The following NPAS2 variants were observed in gnomAD, a reference collection of about 807,000 sequenced individuals.
NPAS2 encodes neuronal PAS domain-containing protein 2.
A neutral mutation model predicts 107.5 loss-of-function variants in NPAS2; 23 were observed. That is an observed-to-expected ratio of 0.21 (90% CI 0.15 to 0.30). The LOEUF is 0.30. NPAS2 is among the 10% of genes least tolerant of loss of function. The probability of loss-of-function intolerance (pLI) is 1.00; values close to 1 mark genes in which losing one functional copy is unlikely to be tolerated. For missense variants in NPAS2, 756 were observed against 1,043.3 expected, an observed-to-expected ratio of 0.72 and a Z score of 3.79; for synonymous variants, 403 against 417.5, an observed-to-expected ratio of 0.97 and a Z score of 0.42.
At chr2:100,973,536 C>T (rs1421894857) in intron 12 of NPAS2, among the ~76,000 whole-genome samples, 1 of 152,234 alleles carries the variant, frequency 6.6e-6, no homozygotes, top group African/African-American at 2.4e-5. Context: ...TACCTCAGCA[C>T]ATCCAGCCAC....
chr2:100,827,602 A>G (rs770672620), intron 1 of NPAS2, among the ~76,000 whole-genome samples: 1 of 152,106 alleles, frequency 6.6e-6, no homozygotes, highest in African/African-American at 2.4e-5. Context: ...CAAGTACCCA[A>G]TGTTTAGCTA....
intron 1 of NPAS2, among the ~76,000 whole-genome samples, chr2:100,865,099 C>T (rs1424625020): frequency 6.6e-6 from 1 of 152,140 alleles, no homozygotes; most frequent in Non-Finnish European, 1.5e-5. Context: ...CAGATAATGT[C>T]TTGGCTTTAT....
chr2:100,859,667 G>A (rs1156812540), intron 1 of NPAS2, among the ~76,000 whole-genome samples: 1 of 152,172 alleles, frequency 6.6e-6, no homozygotes, highest in East Asian at 1.9e-4. Context: ...GAGAGGATGG[G>A]AAATGTTCCT....
At chr2:100,936,222 C>T (rs955196237) in intron 4 of NPAS2, among the ~76,000 whole-genome samples, 16 of 152,246 alleles carry the variant, frequency 1.1e-4, no homozygotes, top group East Asian at 3.8e-4. Context: ...ATGCACTGCT[C>T]GTGGCCTCTT....
At chr2:100,978,520 T>TA (rs558312389) in intron 15 of NPAS2, among the ~76,000 whole-genome samples, 84 of 142,336 alleles carry the variant, frequency 5.9e-4, no homozygotes, top group Admixed American at 2.1e-3. Context: ...CACATTTGTT[T>TA]AAAAAAAAAG....
chr2:100,979,945 T>C (rs933617731), intron 15 of NPAS2, among the ~76,000 whole-genome samples: 2 of 152,236 alleles, frequency 1.3e-5, no homozygotes, highest in African/African-American at 4.8e-5. Flanking sequence ...CTGGGATTTT[T>C]CTCTCACTCC....
chr2:100,921,243 C>T (rs973702949), intron 2 of NPAS2, among the ~76,000 whole-genome samples: 3 of 152,198 alleles, frequency 2.0e-5, no homozygotes, highest in Non-Finnish European at 4.4e-5. Flanking sequence ...AGTTACACAG[C>T]CTCTCAGTGC....
Position 100,836,281 on chromosome 2 carries a change from A to G in NPAS2, c.-23+15867A>G, listed in dbSNP as rs535574577. Among the ~76,000 whole-genome samples the G allele has an allele frequency of 5.9e-4, 90 of 152,088 alleles. 2 individuals are homozygous for G. The South Asian group carries it at 0.018, about 31-fold the overall frequency. ...TAGCGACCTCACTTCGATGTGTACC[A>G]CCCCCATCCCAGAGAGGTGGGATCA... On this transcript the variant is annotated intron_variant, in intron 1 of 20. Transcript: ENST00000335681.
At chr2:100,829,265 A>G (rs1377482238) in intron 1 of NPAS2, among the ~76,000 whole-genome samples, 2 of 150,398 alleles carry the variant, frequency 1.3e-5, no homozygotes, top group African/African-American at 2.4e-5. Flanking sequence ...GCTCACTACA[A>G]CCTCAGCCTC....
intron 1 of NPAS2, among the ~76,000 whole-genome samples, chr2:100,874,477 C>A (rs113674871): frequency 0.051 from 7,812 of 152,132 alleles, 662 homozygotes; most frequent in African/African-American, 0.18. Context: ...CACGGTGGCT[C>A]ATGCCTGTAA....
At chr2:100,993,214 T>C in intron 19 of NPAS2, 133 bp from the exon 20 acceptor site, 1 of 757,186 alleles carries the variant, frequency 1.3e-6, no homozygotes, top group Non-Finnish European at 2.1e-6. Context: ...ATTACAGGCA[T>C]GAGCCACCGC....
At chr2:100,990,562 AG>A (rs1159431961) in intron 18 of NPAS2, 116 bp downstream of exon 18, 1 of 1,196,188 alleles carries the variant, frequency 8.4e-7, no homozygotes, top group East Asian at 2.5e-5. Flanking sequence ...AAGTGTCCAC[AG>A]TTGATCTCAG....
chr2:100,964,963 T>C lies in NPAS2; in HGVS notation c.800+20T>C, dbSNP rs1676126782. Reference sequence around the variant, plus strand: ...TCACAGGTTTGAGAAAAGAAAAACATATTTGGGTTGGGCCCTTCTCAAGTC... The same window carrying C: ...TCACAGGTTTGAGAAAAGAAAAACACATTTGGGTTGGGCCCTTCTCAAGTC... On this transcript the variant is annotated intron_variant, in intron 9 of 20. Transcript: ENST00000335681. 2 of 1,519,936 alleles carry C rather than the reference T, an allele frequency of 1.3e-6. No homozygotes were observed. Among genetic ancestry groups the C allele is most frequent in the Non-Finnish European group, 1.8e-6 (2 of 1,129,144 alleles). The allele number at this position is 1,519,936 out of a possible 1,614,324, so 94.2% of individuals were successfully genotyped here. A position where few individuals can be genotyped will look rare whatever the true frequency, so the allele number is the denominator to read the frequency against.
intron 1 of NPAS2, among the ~76,000 whole-genome samples, chr2:100,873,833 G>A (rs1341525594): frequency 6.6e-6 from 1 of 152,080 alleles, no homozygotes; most frequent in African/African-American, 2.4e-5. Flanking sequence ...CATCATACCT[G>A]CCCTGTTCCT....
intron 4 of NPAS2, 111 bp downstream of exon 4, chr2:100,933,112 C>A: frequency 1.3e-6 from 1 of 785,838 alleles, no homozygotes; most frequent in Non-Finnish European, 2.1e-6. Context: ...CCTGGGAAGA[C>A]TTGACTTTGA....
chr2:100,979,097 T>TG (rs1201407706), intron 15 of NPAS2, among the ~76,000 whole-genome samples: 1 of 152,116 alleles, frequency 6.6e-6, no homozygotes, highest in Non-Finnish European at 1.5e-5. Context: ...GCCCTCTTAG[T>TG]GGGGGTCTCT....
intron 3 of NPAS2, among the ~76,000 whole-genome samples, chr2:100,931,057 C>T (rs954057812): frequency 1.3e-5 from 2 of 152,206 alleles, no homozygotes; most frequent in Admixed American, 6.5e-5. Context: ...ACCCTCTCTT[C>T]CTTGCCTCAG....
intron 1 of NPAS2, among the ~76,000 whole-genome samples, chr2:100,822,089 T>A (rs899806698): frequency 2.6e-5 from 4 of 152,344 alleles, no homozygotes; most frequent in Non-Finnish European, 5.9e-5. Context: ...ATGCCTCTAT[T>A]TATTTGCTGA....
chr2:100,990,974 C>T lies in NPAS2; in HGVS notation c.2111+102C>T, dbSNP rs530042545. 6.3e-4 allele frequency: 595 copies of T among 940,974 alleles called. 7 individuals carry two copies. In the South Asian group the frequency reaches 7.8e-3, roughly 12 times the overall value. 58.3% of individuals were successfully genotyped at this position (940,974 alleles called of 1,614,324 possible). A position where few individuals can be genotyped will look rare whatever the true frequency, so the allele number is the denominator to read the frequency against. On this transcript the variant is annotated intron_variant, in intron 19 of 20. Coordinates refer to ENST00000335681, the MANE Select transcript of NPAS2 (RefSeq NM_002518.4). ...GCCAGCAGCACTCACATGAGCCTTG[C>T]GCTAAAGGCAAGGTCTGAGTGTGCC...
Sources: allele counts gnomAD v4.1 joint callset (sites outside exome capture counted in the v4.1 genomes callset), GRCh38; gene constraint gnomAD v4.1.1; transcripts MANE v1.5; gene names NCBI Gene and HGNC (gene_info 2026-07-23, HGNC 2026-07-21).